Variants in SLC35G2 observed in about 807,000 individuals in gnomAD.
The protein encoded by SLC35G2 is solute carrier family 35 member G2, also known as transmembrane protein 22.
In SLC35G2, 20 loss-of-function variants were observed where a neutral mutation model predicts 27.2. That is an observed-to-expected ratio of 0.74 (90% CI 0.52 to 1.07). The LOEUF (loss-of-function observed/expected upper bound fraction) is 1.07. Among genes scored for constraint, SLC35G2 ranks in the 50% least tolerant of loss-of-function variants. The probability of loss-of-function intolerance (pLI) is 0.00; values close to 1 mark genes in which losing one functional copy is unlikely to be tolerated. For missense variants in SLC35G2, 416 were observed against 493.3 expected, an observed-to-expected ratio of 0.84 and a Z score of 1.48; for synonymous variants, 148 against 165.3, an observed-to-expected ratio of 0.90 and a Z score of 0.80.
At chr3:136,836,826 C>T (rs1376741094) in intron 1 of SLC35G2, among the ~76,000 whole-genome samples, 1 of 152,170 alleles carries the variant, frequency 6.6e-6, no homozygotes, top group South Asian at 2.1e-4. Flanking sequence ...TATTACTTTG[C>T]TATATTTCTG....
Position 136,854,643 on chromosome 3 carries a change from G to T in SLC35G2, c.183G>T (p.Met61Ile), listed in dbSNP as rs1423405142. 1 of 1,604,302 alleles carries T rather than the reference G, an allele frequency of 6.2e-7. No individual in the cohort carries two copies. The highest frequency in any genetic ancestry group is 2.2e-5 in the East Asian group (1 of 44,756). ...CAAAGAAAGGTCTGCTGAGTGAAAT[G>T]AAAAAAAAAGGGAGAGCTTTCTTTG... ...ENPKKGLLSE[M>I]KKKGRAFFGT... The change falls in exon 2 of 2, where the codon ATG (methionine) becomes ATT (isoleucine). Residue 61 changes from methionine (M) to isoleucine (I), a missense_variant. Physicochemically the swap from Met to Ile is conservative, Grantham distance 10. Transcript: ENST00000446465.
At chr3:136,821,860 A>T (rs1936464491) in intron 1 of SLC35G2, among the ~76,000 whole-genome samples, 1 of 152,204 alleles carries the variant, frequency 6.6e-6, no homozygotes, top group Non-Finnish European at 1.5e-5. Context: ...ATGCCTGTTG[A>T]TTAATAACTC....
chr3:136,833,995 T>C (rs1317779639), intron 1 of SLC35G2, among the ~76,000 whole-genome samples: 1 of 151,736 alleles, frequency 6.6e-6, no homozygotes, highest in Non-Finnish European at 1.5e-5. Flanking sequence ...AATAGCATTG[T>C]ACATGATTTA....
chr3:136,824,795 A>G (rs779415547), intron 1 of SLC35G2, among the ~76,000 whole-genome samples: 1 of 152,164 alleles, frequency 6.6e-6, no homozygotes, highest in Non-Finnish European at 1.5e-5. Flanking sequence ...ACATATGCAC[A>G]ACGTCCAGGT....
At chr3:136,845,870 G>A (rs1305808304) in intron 1 of SLC35G2, among the ~76,000 whole-genome samples, 16 of 151,460 alleles carry the variant, frequency 1.1e-4, no homozygotes, top group Admixed American at 2.6e-4. Flanking sequence ...CTGGGATGAC[G>A]GGCGTGAGCC....
intron 1 of SLC35G2, among the ~76,000 whole-genome samples, chr3:136,843,740 C>CT (rs1282634503): frequency 6.6e-6 from 1 of 151,914 alleles, no homozygotes; most frequent in Non-Finnish European, 1.5e-5. Context: ...CGAGACCAGC[C>CT]TGGCCAACAT....
In SLC35G2 at chr3:136,855,732, G is replaced by GTCA. The variant is rs200667885; in HGVS notation, c.*34_*35insCAT. ...ATTATTATTGTCTCATTAATGTTCA[G>GTCA]TTATTATGTATACTGCCATTTTAAT... is the stretch of plus-strand genomic sequence containing the variant. On this transcript the variant is annotated 3_prime_UTR_variant, in exon 2 of 2. Transcript: ENST00000446465. The GTCA allele has an allele frequency of 6.9e-7, 1 of 1,447,962 alleles. No homozygotes were observed. 89.7% of individuals were successfully genotyped at this position (1,447,962 alleles called of 1,614,324 possible). A position where few individuals can be genotyped will look rare whatever the true frequency, so the allele number is the denominator to read the frequency against.
chr3:136,853,351 G>A (rs1304699842), intron 1 of SLC35G2, among the ~76,000 whole-genome samples: 2 of 151,806 alleles, frequency 1.3e-5, no homozygotes, highest in African/African-American at 2.4e-5. Context: ...TGATCCGCCC[G>A]CCTCAGCCTC....
Position 136,855,443 on chromosome 3 carries a change from C to A in SLC35G2, c.983C>A (p.Ser328Tyr). The A allele has an allele frequency of 6.2e-7, 1 of 1,614,150 alleles. No homozygotes were observed. The change falls in exon 2 of 2, where the codon TCT becomes TAT. Residue 328 changes from serine to tyrosine, a missense_variant. Physicochemically the swap from Ser to Tyr is moderately radical, Grantham distance 144. Coordinates refer to ENST00000446465, the MANE Select transcript of SLC35G2 (RefSeq NM_025246.3). ...TATCTCATTGCTATATGTGTCTGTT[C>A]TACTGCAGCATTCTTAGGAGTTTAT... ...WSYLIAICVCSTAAFLGVYYA... is the reference protein window; with the variant it reads ...WSYLIAICVCYTAAFLGVYYA...
At chr3:136,827,554 G>A (rs547465659) in intron 1 of SLC35G2, among the ~76,000 whole-genome samples, 137 of 152,200 alleles carry the variant, frequency 9.0e-4, no homozygotes, top group African/African-American at 2.9e-3. Flanking sequence ...ATTAGGTTAC[G>A]TATTTGAAGT....
chr3:136,820,929 A>G (rs1936441664), intron 1 of SLC35G2, among the ~76,000 whole-genome samples: 1 of 152,150 alleles, frequency 6.6e-6, no homozygotes, highest in Admixed American at 6.6e-5. Context: ...AGAAAGCTTA[A>G]GGAAAATGAA....
At chr3:136,849,279 A>G (rs552988518) in intron 1 of SLC35G2, among the ~76,000 whole-genome samples, 12 of 152,126 alleles carry the variant, frequency 7.9e-5, no homozygotes, top group Non-Finnish European at 1.3e-4. Context: ...AATAGTACCT[A>G]ATTTTTATTG....
intron 1 of SLC35G2, among the ~76,000 whole-genome samples, chr3:136,823,747 C>T (rs1420034093): frequency 2.1e-5 from 3 of 145,660 alleles, no homozygotes; most frequent in Non-Finnish European, 4.5e-5. Context: ...AGGCGCGCGC[C>T]ACCACACCTG....
At chr3:136,841,304 T>C (rs1937086893) in intron 1 of SLC35G2, among the ~76,000 whole-genome samples, 4 of 152,172 alleles carry the variant, frequency 2.6e-5, no homozygotes, top group Admixed American at 2.0e-4. Context: ...AACAAACTTA[T>C]CATTCCTCAG....
At chr3:136,835,958 C>G (rs1295152370) in intron 1 of SLC35G2, among the ~76,000 whole-genome samples, 1 of 152,104 alleles carries the variant, frequency 6.6e-6, no homozygotes. Flanking sequence ...GGTATTTTTT[C>G]TGCCACAATC....
chr3:136,842,783 T>A (rs73231903), intron 1 of SLC35G2: 25,881 of 152,146 alleles, frequency 0.17, 2,746 homozygotes, highest in Non-Finnish European at 0.24. Context: ...GAATGAGAGC[T>A]CTCTTGCCAT....
At chr3:136,821,107 TG>T (rs1266345387) in intron 1 of SLC35G2, among the ~76,000 whole-genome samples, 1 of 152,184 alleles carries the variant, frequency 6.6e-6, no homozygotes, top group Admixed American at 6.5e-5. Context: ...ACATTGGTAT[TG>T]TTTTTTCCTT....
At chr3:136,819,662 C>T (rs952452904) in intron 1 of SLC35G2, 34 bp downstream of exon 1, 2 of 152,248 alleles carry the variant, frequency 1.3e-5, no homozygotes, top group East Asian at 3.8e-4. Context: ...GGATCAATTT[C>T]AAATACAAGT....
chr3:136,846,892 G>A, intron 1 of SLC35G2, among the ~76,000 whole-genome samples: 1 of 152,166 alleles, frequency 6.6e-6, no homozygotes, highest in East Asian at 1.9e-4. Context: ...ATTTCCGGCT[G>A]GGCATGGTGG....
Sources: gnomAD v4.1 joint callset for allele counts (sites outside exome capture counted in the v4.1 genomes callset) on GRCh38, gnomAD v4.1.1 for gene constraint, MANE v1.5 for transcripts, NCBI Gene and HGNC (gene_info 2026-07-23, HGNC 2026-07-21) for gene names.